Variants in PRKCZ observed in about 807,000 individuals in gnomAD.
The protein encoded by PRKCZ is protein kinase C zeta.
A neutral mutation model predicts 79.5 loss-of-function variants in PRKCZ; 33 were observed. The observed-to-expected ratio is 0.41, with a 90% confidence interval of 0.31 to 0.55. The LOEUF is 0.55. PRKCZ is among the 20% of genes least tolerant of loss of function. The probability of loss-of-function intolerance (pLI) is 0.19; values close to 1 mark genes in which losing one functional copy is unlikely to be tolerated. For missense variants in PRKCZ, 578 were observed against 813.5 expected, an observed-to-expected ratio of 0.71 and a Z score of 3.52; for synonymous variants, 342 against 320.9, an observed-to-expected ratio of 1.07 and a Z score of -0.70.
At chr1:2,062,555 A>G (rs1660785662) in intron 4 of PRKCZ, among the ~76,000 whole-genome samples, 1 of 150,856 alleles carries the variant, frequency 6.6e-6, no homozygotes, top group African/African-American at 2.4e-5. Flanking sequence ...GCATGGTACA[A>G]TCTTGGCTTA....
chr1:2,067,647 C>T (rs897054255), intron 4 of PRKCZ, among the ~76,000 whole-genome samples: 5 of 152,242 alleles, frequency 3.3e-5, no homozygotes, highest in East Asian at 1.9e-4. Context: ...CACGGGGGTC[C>T]GCATGAGGGG....
At chr1:2,184,788 C>T (rs1687315406) in intron 17 of PRKCZ, 90 bp downstream of exon 17, 2 of 1,417,058 alleles carry the variant, frequency 1.4e-6, no homozygotes, top group Admixed American at 2.0e-5. Flanking sequence ...CCCAGCCTGC[C>T]CTTGAGTCCC....
chr1:2,086,048 T>TAGAA, intron 4 of PRKCZ, among the ~76,000 whole-genome samples: 1 of 147,478 alleles, frequency 6.8e-6, no homozygotes, highest in Non-Finnish European at 1.5e-5. Flanking sequence ...CTGGGTTTAT[T>TAGAA]ATCATCCTTT....
chr1:2,089,631 G>A (rs1376034014), intron 4 of PRKCZ, among the ~76,000 whole-genome samples: 1 of 152,160 alleles, frequency 6.6e-6, no homozygotes, highest in African/African-American at 2.4e-5. Flanking sequence ...CATTCCGGAA[G>A]GCCACAACCT....
In PRKCZ at chr1:2,050,636, C is replaced by T. The variant is rs1659550994; in HGVS notation, c.6C>T (p.Pro2=). The T allele has an allele frequency of 2.4e-6, 3 of 1,225,888 alleles. No individual in the cohort carries two copies. Among genetic ancestry groups the T allele is most frequent in the Non-Finnish European group, 3.0e-6 (3 of 984,044 alleles). The allele number at this position is 1,225,888 out of a possible 1,614,324, so 75.9% of individuals were successfully genotyped here. A position where few individuals can be genotyped will look rare whatever the true frequency, so the allele number is the denominator to read the frequency against. The change falls in exon 1 of 18, where the codon CCC becomes CCT. Residue 2 remains proline (P), a synonymous_variant. Coordinates refer to ENST00000378567, the MANE Select transcript of PRKCZ (RefSeq NM_002744.6). The part of the protein sequence containing the change: M[P]SRTGPKMEGS... ...GGCGGCGGGGGGAGCGCGCCATGCC[C>T]AGCAGGACCGGCCCCAAGATGGAAG...
chr1:2,100,223 G>T lies in PRKCZ; in HGVS notation c.335-35039G>T, dbSNP rs150252098. ...ATTTTATTTTGCAGTGGTAGAGGTT[G>T]TTTTGCTAAAATTATTTCAAAATCT... On this transcript the variant is annotated intron_variant, in intron 4 of 17. Transcript: ENST00000378567. Among the ~76,000 whole-genome samples the T allele has an allele frequency of 3.5e-4, 54 of 152,354 alleles. 1 individual carries two copies. In the East Asian group the frequency reaches 0.01, roughly 28 times the overall value.
intron 4 of PRKCZ, among the ~76,000 whole-genome samples, chr1:2,061,200 T>C (rs1034790844): frequency 2.6e-5 from 4 of 152,320 alleles, no homozygotes; most frequent in East Asian, 3.9e-4. Flanking sequence ...GGTATCCACA[T>C]GCGGCCAGTG....
intron 4 of PRKCZ, among the ~76,000 whole-genome samples, chr1:2,117,906 T>A (rs1466634055): frequency 6.6e-6 from 1 of 152,138 alleles, no homozygotes; most frequent in Non-Finnish European, 1.5e-5. Flanking sequence ...TTGTGATGAG[T>A]TCGCCTTTTT....
At chr1:2,114,553 ATCACGAGG>A (rs980788468) in intron 4 of PRKCZ, among the ~76,000 whole-genome samples, 8 of 152,206 alleles carry the variant, frequency 5.3e-5, no homozygotes, top group African/African-American at 1.9e-4. Context: ...AGGCGGGTAG[ATCACGAGG>A]TCAGGAGTTT....
At chr1:2,132,932 C>G (rs757847813) in intron 4 of PRKCZ, among the ~76,000 whole-genome samples, 1 of 152,188 alleles carries the variant, frequency 6.6e-6, no homozygotes, top group Non-Finnish European at 1.5e-5. Flanking sequence ...GGGACCCCAT[C>G]TCCAAATACA....
At chr1:2,152,473 A>G (rs1210929469) in intron 9 of PRKCZ, among the ~76,000 whole-genome samples, 1 of 152,212 alleles carries the variant, frequency 6.6e-6, no homozygotes, top group African/African-American at 2.4e-5. Flanking sequence ...CGGAGATTGC[A>G]GTGAGCCGAG....
chr1:2,172,307 C>T lies in PRKCZ; in HGVS notation c.1204C>T (p.Leu402=), dbSNP rs375070607. The T allele has an allele frequency of 6.2e-7, 1 of 1,613,644 alleles. No individual in the cohort carries two copies. The highest frequency in any genetic ancestry group is 1.1e-5 in the South Asian group (1 of 91,088). Residue 402 remains leucine, a synonymous_variant, in exon 13 of 18, where the codon CTG becomes TTG. Coordinates refer to ENST00000378567, the MANE Select transcript of PRKCZ (RefSeq NM_002744.6). The surrounding 1 kb of genome is among the most constrained non-coding windows in gnomAD (Gnocchi z 7.8). ...AGTAACTTTGCCCCCACAGGAAGGC[C>T]TGGGCCCTGGTGACACAACGAGCAC... ...LTDYGMCKEG[L]GPGDTTSTFC...
intron 1 of PRKCZ, among the ~76,000 whole-genome samples, chr1:2,051,287 G>T (rs1440710760): frequency 6.6e-6 from 1 of 152,202 alleles, no homozygotes; most frequent in Non-Finnish European, 1.5e-5. Flanking sequence ...CCTGGCTGTG[G>T]GAGGGGGCGC....
rs543885007 is a variant in PRKCZ at position 2,090,700 on chromosome 1, C to G, written c.334+31109C>G. ...GCGTGTGTGGTTTTGCTCATGGCAC[C>G]TGGCGTGGGCGCCCTGGGAGCGGCA... On this transcript the variant is annotated intron_variant, in intron 4 of 17. Transcript: ENST00000378567. Among the ~76,000 whole-genome samples the G allele has an allele frequency of 1.6e-3, 241 of 152,318 alleles. 1 individual carries two copies. The highest frequency in any genetic ancestry group is 5.3e-3 in the African/African-American group (221 of 41,564).
At chr1:2,139,904 C>T (rs1409214751) in intron 5 of PRKCZ, among the ~76,000 whole-genome samples, 1 of 152,232 alleles carries the variant, frequency 6.6e-6, no homozygotes, top group Non-Finnish European at 1.5e-5. Flanking sequence ...GGTAGGGCCA[C>T]GTCTCTGAGC....
rs765096119 is a variant in PRKCZ, at chr1:2,162,218, G to A, written c.974+6126G>A. ...GCAATCTTGGCTCACTGCAACCTCC[G>A]CCCCCTGGGTTCGAGGAATTCTCAT... On this transcript the variant is annotated intron_variant, in intron 10 of 17. Coordinates refer to ENST00000378567, the MANE Select transcript of PRKCZ (RefSeq NM_002744.6). 5.3e-5 allele frequency among the ~76,000 whole-genome samples: 8 copies of A among 152,248 alleles called. 1 individual carries two copies. Among genetic ancestry groups the A allele is most frequent in the Admixed American group, 4.6e-4 (7 of 15,282 alleles).
At chr1:2,053,841 C>T (rs1659914922) in intron 1 of PRKCZ, among the ~76,000 whole-genome samples, 2 of 152,208 alleles carry the variant, frequency 1.3e-5, no homozygotes, top group East Asian at 3.8e-4. Flanking sequence ...GACCCCCCTC[C>T]ATTCCTTACT....
rs1196749278 is a variant in PRKCZ at position 2,177,281 on chromosome 1, G to C, written c.1575+1968G>C. 6.6e-6 allele frequency among the ~76,000 whole-genome samples: 1 copy of C among 152,182 alleles called. No individual in the cohort carries two copies. The highest frequency in any genetic ancestry group is 1.5e-5 in the Non-Finnish European group (1 of 68,026). On this transcript the variant is annotated intron_variant, in intron 16 of 17. Transcript: ENST00000378567. The surrounding 1 kb of genome is among the most constrained non-coding windows in gnomAD (Gnocchi z 6.4). ...CGGCTGAACCCGTAGCAGGTGCTTA[G>C]TAGAATTACGTGAGGAGCCAGCATC...
chr1:2,103,310 C>T (rs944434672), intron 4 of PRKCZ, among the ~76,000 whole-genome samples: 4 of 152,224 alleles, frequency 2.6e-5, no homozygotes, highest in Admixed American at 1.3e-4. Flanking sequence ...GGAAAGGCTT[C>T]CCCGGGAGAG....
Sources: gnomAD v4.1 joint callset for allele counts (sites outside exome capture counted in the v4.1 genomes callset) on GRCh38, gnomAD v4.1.1 for gene constraint, Gnocchi (gnomAD v3.1) non-coding constraint, MANE v1.5 for transcripts, NCBI Gene and HGNC (gene_info 2026-07-23, HGNC 2026-07-21) for gene names.